The following KLF12 variants were observed in gnomAD, a reference collection of about 807,000 sequenced individuals.
KLF12 encodes Krueppel-like factor 12.
In KLF12, 9 loss-of-function variants were observed where a neutral mutation model predicts 37.8. The ratio of observed to expected loss-of-function variants is 0.24; its 90% CI spans 0.14 to 0.42. The LOEUF is 0.42. Ranked by LOEUF, KLF12 falls within the 10% of genes least tolerant of loss-of-function variation. The pLI, the probability that KLF12 is intolerant of heterozygous loss-of-function variation, is 1.00. For missense variants in KLF12, 411 were observed against 516.0 expected (o/e 0.80, Z 1.97); for synonymous variants, 208 against 202.1 (o/e 1.03, Z -0.25).
At chr13:73,700,102 T>C in intron 7 of KLF12, among the ~76,000 whole-genome samples, 1 of 151,842 alleles carries the variant, frequency 6.6e-6, no homozygotes, top group Non-Finnish European at 1.5e-5. Context: ...AAACCTTATG[T>C]CTATCAAATA....
the KLF12 span, among the ~76,000 whole-genome samples, chr13:74,178,803 C>T: frequency 6.6e-6 from 1 of 152,082 alleles, no homozygotes; most frequent in African/African-American, 2.4e-5. Flanking sequence ...TCCATTTGAC[C>T]CTCCCCAGCC....
chr13:73,692,532 T>C lies in KLF12; in HGVS notation c.*2958A>G, dbSNP rs1873878643. ...GAACAACTGTTATGTCCTTTAGGAT[T>C]CTACTGCTTTTCTGTTGCTCATGAT... On this transcript the variant is annotated 3_prime_UTR_variant, in exon 8 of 8. Transcript: ENST00000377669. 6.5e-6 allele frequency: 1 copy of C among 152,684 alleles called. No homozygotes were observed. 9.5% of individuals were successfully genotyped at this position (152,684 alleles called of 1,614,324 possible).
At chr13:74,179,361 A>G in the KLF12 span, among the ~76,000 whole-genome samples, 1 of 152,206 alleles carries the variant, frequency 6.6e-6, no homozygotes, top group Non-Finnish European at 1.5e-5. Flanking sequence ...CCTGCAGGAG[A>G]GATGATTGCT....
At chr13:74,135,336 G>T (rs963266187), upstream of KLF12, among the ~76,000 whole-genome samples, 8 of 151,890 alleles carry the variant, frequency 5.3e-5, no homozygotes, top group African/African-American at 1.9e-4. Flanking sequence ...GGCGGGGAAG[G>T]GAGTCCAGCT....
chr13:74,228,916 C>T, the KLF12 span, among the ~76,000 whole-genome samples: 3 of 151,324 alleles, frequency 2.0e-5, no homozygotes, highest in African/African-American at 7.3e-5. Context: ...AAATCAAACA[C>T]TGCTGCTCCA....
intron 3 of KLF12, among the ~76,000 whole-genome samples, chr13:73,919,585 G>C (rs148101605): frequency 1.7e-3 from 256 of 152,206 alleles, no homozygotes; most frequent in African/African-American, 6.0e-3. Context: ...CTACATCACT[G>C]TACAGTTTGC....
chr13:74,097,810 T>C (rs1876069280), intron 1 of KLF12, among the ~76,000 whole-genome samples: 3 of 151,840 alleles, frequency 2.0e-5, no homozygotes, highest in African/African-American at 4.8e-5. Context: ...CAACACATAA[T>C]TTCCCCACAC....
chr13:73,901,618 T>C (rs1363270668), intron 3 of KLF12, among the ~76,000 whole-genome samples: 2 of 152,064 alleles, frequency 1.3e-5, no homozygotes, highest in Admixed American at 6.5e-5. Flanking sequence ...CAAATCTTCC[T>C]GGTGACAGCA....
At chr13:73,721,621 T>C (rs961193578) in intron 6 of KLF12, among the ~76,000 whole-genome samples, 4 of 152,152 alleles carry the variant, frequency 2.6e-5, no homozygotes, top group Non-Finnish European at 5.9e-5. Flanking sequence ...GGTAGAATCA[T>C]AGCTCACCGG....
chr13:74,075,763 G>T (rs895582989), intron 1 of KLF12, among the ~76,000 whole-genome samples: 2 of 152,094 alleles, frequency 1.3e-5, no homozygotes, highest in African/African-American at 2.4e-5. Context: ...TGGAAAAACA[G>T]TAAGACACTG....
chr13:74,249,615 G>T, the KLF12 span, among the ~76,000 whole-genome samples: 1 of 152,060 alleles, frequency 6.6e-6, no homozygotes, highest in Non-Finnish European at 1.5e-5. Flanking sequence ...TTAAAATTTG[G>T]TTTTCATTAA....
At chr13:74,086,473 T>G (rs1390933724) in intron 1 of KLF12, among the ~76,000 whole-genome samples, 1 of 152,224 alleles carries the variant, frequency 6.6e-6, no homozygotes, top group East Asian at 1.9e-4. Context: ...CTGCATAGTA[T>G]TCCACGGTGT....
chr13:73,824,228 T>C (rs1356382783), intron 4 of KLF12, among the ~76,000 whole-genome samples: 3 of 152,104 alleles, frequency 2.0e-5, no homozygotes, highest in African/African-American at 7.2e-5. Flanking sequence ...AGAGTTACTG[T>C]GCGGGCCACA....
chr13:74,084,384 G>T (rs1055615132), intron 1 of KLF12, among the ~76,000 whole-genome samples: 1 of 152,110 alleles, frequency 6.6e-6, no homozygotes, highest in Non-Finnish European at 1.5e-5. Flanking sequence ...ACTTCCCCTT[G>T]ACCATTGTTC....
At chr13:73,958,945 T>A (rs113923654) in intron 2 of KLF12, among the ~76,000 whole-genome samples, 9 of 150,948 alleles carry the variant, frequency 6.0e-5, no homozygotes, top group Admixed American at 3.3e-4. Context: ...CTAGGCAGAC[T>A]TCAGCAACTA....
chr13:73,843,207 G>A (rs983595325), intron 4 of KLF12, among the ~76,000 whole-genome samples: 3 of 151,822 alleles, frequency 2.0e-5, no homozygotes, highest in African/African-American at 7.3e-5. Context: ...AAGAGAAAAG[G>A]TTTTTGAATA....
chr13:73,929,591 A>T (rs1446734311), intron 3 of KLF12, among the ~76,000 whole-genome samples: 3 of 152,220 alleles, frequency 2.0e-5, no homozygotes, highest in Non-Finnish European at 2.9e-5. Context: ...CACTTTTTCA[A>T]ATATCAGCTC....
chr13:73,827,278 C>T (rs1883901743), intron 4 of KLF12, among the ~76,000 whole-genome samples: 1 of 152,156 alleles, frequency 6.6e-6, no homozygotes, highest in Non-Finnish European at 1.5e-5. Flanking sequence ...TCATAGTATA[C>T]ATCTGAGAAT....
chr13:74,074,640 T>C (rs984285914), intron 1 of KLF12, among the ~76,000 whole-genome samples: 7 of 152,168 alleles, frequency 4.6e-5, no homozygotes, highest in African/African-American at 1.7e-4. Flanking sequence ...ATTTTTTAAC[T>C]TTTATCTTAG....
Sources: gnomAD v4.1 joint callset for allele counts (sites outside exome capture counted in the v4.1 genomes callset) on GRCh38, gnomAD v4.1.1 for gene constraint, MANE v1.5 for transcripts, NCBI Gene and HGNC (gene_info 2026-07-23, HGNC 2026-07-21) for gene names.